RGS22: variants seen among roughly 807,000 people sequenced by gnomAD.
The protein encoded by RGS22 is regulator of G-protein signaling 22.
RGS22 carries 148 observed loss-of-function variants against 172.9 expected under a neutral mutation model. That is an observed-to-expected ratio of 0.86 (90% CI 0.75 to 0.98). The LOEUF (loss-of-function observed/expected upper bound fraction) is 0.98. Ranked by LOEUF, RGS22 falls within the 50% of genes least tolerant of loss-of-function variation. RGS22 has a pLI of 0.00. For synonymous variants in RGS22, 458 were observed against 480.2 expected, an observed-to-expected ratio of 0.95 and a Z score of 0.60; for missense variants, 1,347 against 1,440.8, an observed-to-expected ratio of 0.93 and a Z score of 1.05.
chr8:100,099,812 C>T (rs1813319277), intron 2 of RGS22, among the ~76,000 whole-genome samples: 8 of 152,274 alleles, frequency 5.3e-5, no homozygotes, highest in African/African-American at 1.9e-4. Flanking sequence ...ACTTCTGGCC[C>T]CTAGCTCTGC....
At position 100,039,029 on chromosome 8, in the gene RGS22, A is replaced by T; in HGVS notation, c.2068T>A (p.Trp690Arg). The T allele has an allele frequency of 1.3e-6, 2 of 1,582,000 alleles. No homozygotes were observed. Among genetic ancestry groups the T allele is most frequent in the Non-Finnish European group, 1.7e-6 (2 of 1,156,698 alleles). Residue 690 changes from tryptophan to arginine, a missense_variant, in exon 14 of 28, where the codon TGG becomes AGG. Transcript: ENST00000360863. The stretch of plus-strand genomic sequence containing the variant: ...AACCAAAAGTACACACTGTTCTTCC[A>T]CAACTACAGATGGAAAAAGTACATA... Reference protein sequence around the residue: ...KFCEHSGNKLWKNSVYFWFDL... With the variant: ...KFCEHSGNKLRKNSVYFWFDL...
intron 26 of RGS22, 105 bp from the exon 27 acceptor site, chr8:99,962,548 T>C (rs1321101986): frequency 1.8e-5 from 26 of 1,443,218 alleles, no homozygotes; most frequent in Non-Finnish European, 2.4e-5. Context: ...GGAGAAATTC[T>C]CCTAAGTTGG....
At chr8:100,087,414 T>C (rs1402034431) in intron 3 of RGS22, among the ~76,000 whole-genome samples, 1 of 152,146 alleles carries the variant, frequency 6.6e-6, no homozygotes, top group Non-Finnish European at 1.5e-5. Flanking sequence ...GTACTAGTCA[T>C]CCATGTGTGA....
chr8:100,062,472 G>C, intron 9 of RGS22, 119 bp downstream of exon 9: 2 of 663,096 alleles, frequency 3.0e-6, no homozygotes, highest in Non-Finnish European at 2.5e-6. Flanking sequence ...GAAGGCCAAA[G>C]ATACAATAGT....
At chr8:99,963,723 G>A (rs1810440402) in intron 24 of RGS22, among the ~76,000 whole-genome samples, 1 of 152,026 alleles carries the variant, frequency 6.6e-6, no homozygotes, top group Non-Finnish European at 1.5e-5. Flanking sequence ...GAGATGATTC[G>A]AAGTATATGA....
In RGS22 at chr8:100,099,871, T is replaced by A. The variant is rs117288399; in HGVS notation, c.54+5503A>T. Reference sequence around the variant, plus strand: ...GGAGAACGTAGGGGTAGTACTTAGGTCTAGCCCTATCTTCCAGTGTTTCCA... The same window carrying A: ...GGAGAACGTAGGGGTAGTACTTAGGACTAGCCCTATCTTCCAGTGTTTCCA... On this transcript the variant is annotated intron_variant, in intron 2 of 27. Transcript: ENST00000360863. Among the ~76,000 whole-genome samples the A allele has an allele frequency of 2.2e-3, 342 of 152,318 alleles. 1 individual carries two copies. The highest frequency in any genetic ancestry group is 3.6e-3 in the Non-Finnish European group (243 of 68,022).
chr8:100,077,710 G>A (rs1586223088), intron 4 of RGS22, among the ~76,000 whole-genome samples: 1 of 152,316 alleles, frequency 6.6e-6, no homozygotes, highest in East Asian at 1.9e-4. Context: ...GTGGGATAAA[G>A]TGTTCTGTAA....
rs1316639467 is a variant in RGS22, at chr8:100,039,009, A to G, written c.2088T>C (p.Phe696=). Reference sequence around the variant, plus strand: ...GATGATAAGCCTGCAGGTCAAACCAAAAGTACACACTGTTCTTCCACAACT... The same window carrying G: ...GATGATAAGCCTGCAGGTCAAACCAGAAGTACACACTGTTCTTCCACAACT... ...GNKLWKNSVY[F]WFDLQAYHQL... is the part of the protein sequence containing the mutation. Residue 696 remains phenylalanine (F), a synonymous_variant, in exon 14 of 28, where the codon TTT becomes TTC. Coordinates refer to ENST00000360863, the MANE Select transcript of RGS22 (RefSeq NM_015668.5). 1.9e-6 allele frequency: 3 copies of G among 1,610,362 alleles called. No individual in the cohort carries two copies. Among genetic ancestry groups the G allele is most frequent in the African/African-American group, 2.7e-5 (2 of 74,882 alleles).
At chr8:100,059,675 C>G (rs1809950140) in intron 9 of RGS22, among the ~76,000 whole-genome samples, 1 of 152,058 alleles carries the variant, frequency 6.6e-6, no homozygotes, top group East Asian at 1.9e-4. Context: ...AGAGATAGGT[C>G]CCAATGCAAC....
Position 100,001,160 on chromosome 8 carries a change from C to G in RGS22, c.2790+1042G>C, listed in dbSNP as rs991521123. 4.0e-4 allele frequency among the ~76,000 whole-genome samples: 58 copies of G among 145,154 alleles called. 1 individual carries two copies. Among genetic ancestry groups the G allele is most frequent in the Non-Finnish European group, 7.7e-4 (51 of 66,632 alleles). On this transcript the variant is annotated intron_variant, in intron 18 of 27. Coordinates refer to ENST00000360863, the MANE Select transcript of RGS22 (RefSeq NM_015668.5). ...TAAAAATTGCATCATATTTCATGAG[C>G]AGTGTTACATGAACACAAACCTACC...
At chr8:99,969,609 C>A (rs1811116246) in intron 23 of RGS22, among the ~76,000 whole-genome samples, 1 of 151,486 alleles carries the variant, frequency 6.6e-6, no homozygotes, top group South Asian at 2.1e-4. Flanking sequence ...GACTTTCAAC[C>A]AACAAAGATC....
chr8:100,048,572 T>C (rs1820967612), intron 10 of RGS22, among the ~76,000 whole-genome samples: 1 of 152,144 alleles, frequency 6.6e-6, no homozygotes. Flanking sequence ...TAAAACCTTA[T>C]ATATACTCTA....
chr8:99,967,763 C>G (rs912116082), intron 23 of RGS22, among the ~76,000 whole-genome samples: 2 of 152,200 alleles, frequency 1.3e-5, no homozygotes, highest in African/African-American at 4.8e-5. Context: ...TCCCAACTCC[C>G]TGGGACAGAG....
At chr8:100,094,133 T>C (rs1289808366) in intron 2 of RGS22, among the ~76,000 whole-genome samples, 2 of 152,196 alleles carry the variant, frequency 1.3e-5, no homozygotes, top group Non-Finnish European at 2.9e-5. Context: ...TCCACCAACA[T>C]AGCCACTTTT....
chr8:99,992,450 A>C (rs1196997184), intron 20 of RGS22, among the ~76,000 whole-genome samples: 1 of 152,210 alleles, frequency 6.6e-6, no homozygotes, highest in Admixed American at 6.5e-5. Context: ...AAGCAAAAAA[A>C]AGCAGGGTTT....
intron 19 of RGS22, 126 bp downstream of exon 19, chr8:99,999,136 G>A: frequency 1.3e-6 from 1 of 779,804 alleles, no homozygotes; most frequent in South Asian, 1.9e-5. Context: ...TTCAGACTGG[G>A]TGACAGAGAG....
intron 20 of RGS22, among the ~76,000 whole-genome samples, chr8:99,994,659 A>T (rs1380172998): frequency 6.6e-6 from 1 of 152,246 alleles, no homozygotes; most frequent in East Asian, 1.9e-4. Flanking sequence ...GGATAGGAGG[A>T]ATCAATATTG....
intron 4 of RGS22, among the ~76,000 whole-genome samples, chr8:100,073,971 C>A (rs1811166253): frequency 6.6e-6 from 1 of 152,056 alleles, no homozygotes; most frequent in Admixed American, 6.6e-5. Flanking sequence ...CAAAAACATA[C>A]AAGACAATCC....
Position 100,057,777 on chromosome 8 carries a change from A to G in RGS22, c.1515-4801T>C, listed in dbSNP as rs114498420. Among the ~76,000 whole-genome samples the G allele has an allele frequency of 3.3e-3, 501 of 152,268 alleles. 5 individuals carry two copies. The highest frequency in any genetic ancestry group is 0.012 in the African/African-American group (479 of 41,552). ...CAGGCATGTCTTTATTAGTAGCATG[A>G]GAATGGACTAACTCTTCAATGCCCA... is the stretch of plus-strand genomic sequence containing the variant. On this transcript the variant is annotated intron_variant, in intron 9 of 27. Coordinates refer to ENST00000360863, the MANE Select transcript of RGS22 (RefSeq NM_015668.5).
Sources: allele counts gnomAD v4.1 joint callset (sites outside exome capture counted in the v4.1 genomes callset), GRCh38; gene constraint gnomAD v4.1.1; transcripts MANE v1.5; gene names NCBI Gene and HGNC (gene_info 2026-07-23, HGNC 2026-07-21).